Variants in FAM180A observed in about 807,000 individuals in gnomAD.
FAM180A encodes family with sequence similarity 180 member A.
In FAM180A, 14 loss-of-function variants were observed where a neutral mutation model predicts 15.3. The ratio of observed to expected loss-of-function variants is 0.92; its 90% CI spans 0.61 to 1.43. The LOEUF (loss-of-function observed/expected upper bound fraction) is 1.43, where lower values mean the gene tolerates loss of function less well. Among genes scored for constraint, FAM180A ranks in the 40% most tolerant of loss-of-function variants. The pLI is 0.00. For synonymous variants in FAM180A, 90 were observed against 96.8 expected (o/e 0.93, Z 0.41); for missense variants, 200 against 220.8 (o/e 0.91, Z 0.60).
In FAM180A at chr7:135,737,208, A is replaced by G; in HGVS notation, c.77-9T>C. ...GGCAGGGAAGAGCACAGCTGAAAGA[A>G]AGAAAACAGTGAGTTCCTGGCTGCT... is the stretch of plus-strand genomic sequence containing the variant. On this transcript the variant is annotated splice_polypyrimidine_tract_variant and intron_variant, in intron 1 of 3. Transcript: ENST00000338588. 1 of 1,582,428 alleles carries G rather than the reference A, an allele frequency of 6.3e-7. No individual in the cohort carries two copies. The highest frequency in any genetic ancestry group is 8.6e-7 in the Non-Finnish European group (1 of 1,166,356).
chr7:135,740,963 AC>A (rs34067389), intron 1 of FAM180A, among the ~76,000 whole-genome samples: 71,360 of 122,374 alleles, frequency 0.58, 17,508 homozygotes, highest in Admixed American at 0.68. Flanking sequence ...AAAAAACAAA[AC>A]AAAACAAAAC....
chr7:135,736,301 G>A (rs532316993), intron 2 of FAM180A, among the ~76,000 whole-genome samples: 43 of 152,330 alleles, frequency 2.8e-4, no homozygotes, highest in African/African-American at 6.7e-4. Context: ...GATTACAGGC[G>A]TAAGCCACCG....
intron 1 of FAM180A, among the ~76,000 whole-genome samples, chr7:135,748,195 G>C (rs1346635147): frequency 6.6e-6 from 1 of 152,190 alleles, no homozygotes; most frequent in Non-Finnish European, 1.5e-5. Flanking sequence ...TGCTGCAGGT[G>C]GTGGGGGCAG....
rs1292604335 is a variant in FAM180A, at chr7:135,733,946, G to A, written c.*29C>T. ...TTTCTGGATTACTGTGCTGGTCCCT[G>A]CTCTGAGGTCCTGGTGTGGGCCAGT... On this transcript the variant is annotated 3_prime_UTR_variant, in exon 3 of 4. Transcript: ENST00000338588. The A allele has an allele frequency of 1.3e-6, 2 of 1,554,292 alleles. No individual in the cohort carries two copies. Among genetic ancestry groups the A allele is most frequent in the African/African-American group, 2.7e-5 (2 of 73,342 alleles).
At chr7:135,748,467 T>C (rs1215881366) in intron 1 of FAM180A, 38 bp downstream of exon 1, 7 of 1,539,096 alleles carry the variant, frequency 4.5e-6, no homozygotes, top group African/African-American at 2.7e-5. Flanking sequence ...GAAAGTATAA[T>C]GAGCATCAAA....
At position 135,734,432 on chromosome 7, in the gene FAM180A, C is replaced by T; in HGVS notation, c.178-113G>A. 6.1e-6 allele frequency: 6 copies of T among 987,708 alleles called. No homozygotes were observed. In the South Asian group the frequency reaches 1.0e-4, roughly 17 times the overall value. The allele number at this position is 987,708 out of a possible 1,614,324, so 61.2% of individuals were successfully genotyped here. A position where few individuals can be genotyped will look rare whatever the true frequency, so the allele number is the denominator to read the frequency against. On this transcript the variant is annotated intron_variant, in intron 2 of 3. Transcript: ENST00000338588. ...GGCAGCTGCCAGAAGAGCTTTGGAA[C>T]TCAAGAGAGTTCCAGTTCTGACTTT...
chr7:135,737,456 G>A lies in FAM180A; in HGVS notation c.77-257C>T, dbSNP rs578025329. ...ACAAAAAACAGCCGGGCATGGTGGC[G>A]GGTGCCTGTAATTGCAGCTACATGG... On this transcript the variant is annotated intron_variant, in intron 1 of 3. Coordinates refer to ENST00000338588, the MANE Select transcript of FAM180A (RefSeq NM_205855.4). 1.3e-4 allele frequency among the ~76,000 whole-genome samples: 20 copies of A among 151,972 alleles called. No individual in the cohort carries two copies. The South Asian group carries it at 1.9e-3, about 14-fold the overall frequency.
At chr7:135,738,482 C>T (rs1203916556) in intron 1 of FAM180A, among the ~76,000 whole-genome samples, 1 of 152,290 alleles carries the variant, frequency 6.6e-6, no homozygotes, top group East Asian at 1.9e-4. Context: ...GCATGAGCTA[C>T]CGAGCCCAGC....
At chr7:135,745,969 T>C (rs749523276) in intron 1 of FAM180A, among the ~76,000 whole-genome samples, 1 of 151,700 alleles carries the variant, frequency 6.6e-6, no homozygotes, top group Non-Finnish European at 1.5e-5. Context: ...AAAAAAAAGA[T>C]GGCAAGAATT....
At chr7:135,736,810 C>T (rs1318266178) in intron 2 of FAM180A, among the ~76,000 whole-genome samples, 4 of 152,192 alleles carry the variant, frequency 2.6e-5, no homozygotes, top group African/African-American at 9.6e-5. Flanking sequence ...TACTCTGGTG[C>T]CTGGGTGCCA....
chr7:135,741,515 CAAA>C (rs35800497), intron 1 of FAM180A, among the ~76,000 whole-genome samples: 5 of 135,240 alleles, frequency 3.7e-5, no homozygotes, highest in Admixed American at 1.5e-4. Context: ...GACTCTGTCT[CAAA>C]AAAAAAAAAA....
At chr7:135,736,026 T>C (rs1033278852) in intron 2 of FAM180A, among the ~76,000 whole-genome samples, 12 of 151,072 alleles carry the variant, frequency 7.9e-5, no homozygotes, top group Non-Finnish European at 1.5e-4. Context: ...CTTTTCTTTT[T>C]TTTTTTTTCT....
intron 1 of FAM180A, among the ~76,000 whole-genome samples, chr7:135,743,182 C>T (rs1210252819): frequency 2.0e-5 from 3 of 147,768 alleles, no homozygotes; most frequent in Non-Finnish European, 4.6e-5. Context: ...TAGGATCACT[C>T]TCCTGCATCG....
Position 135,729,730 on chromosome 7 carries a change from A to G in FAM180A, c.*881T>C. On this transcript the variant is annotated 3_prime_UTR_variant, in exon 4 of 4. Transcript: ENST00000338588. ...TACCCATTTTTCAGAGGAAGGAAAC[A>G]CTTTTCCAGAATACAATGCTCAAGA... 2 of 985,420 alleles carry G rather than the reference A, an allele frequency of 2.0e-6. No homozygotes were observed. The highest frequency in any genetic ancestry group is 1.2e-6 in the Non-Finnish European group (1 of 829,912). The allele number at this position is 985,420 out of a possible 1,614,324, so 61.0% of individuals were successfully genotyped here. A position where few individuals can be genotyped will look rare whatever the true frequency, so the allele number is the denominator to read the frequency against.
In FAM180A at chr7:135,733,689, C is replaced by A; in HGVS notation, c.*286G>T. 4 of 1,217,460 alleles carry A rather than the reference C, an allele frequency of 3.3e-6. No individual in the cohort carries two copies. The highest frequency in any genetic ancestry group is 3.1e-6 in the Non-Finnish European group (3 of 976,506). The allele number at this position is 1,217,460 out of a possible 1,614,324, so 75.4% of individuals were successfully genotyped here. A position where few individuals can be genotyped will look rare whatever the true frequency, so the allele number is the denominator to read the frequency against. ...GTGTGGCCACTGCTCTGGGTTGAAGCATATCAGAATTCTGCCTGCCATAGG... is the reference window on the plus strand; with the variant it reads ...GTGTGGCCACTGCTCTGGGTTGAAGAATATCAGAATTCTGCCTGCCATAGG... On this transcript the variant is annotated 3_prime_UTR_variant, in exon 3 of 4. Coordinates refer to ENST00000338588, the MANE Select transcript of FAM180A (RefSeq NM_205855.4).
intron 3 of FAM180A, among the ~76,000 whole-genome samples, chr7:135,732,808 A>G (rs1479877216): frequency 2.0e-5 from 3 of 152,218 alleles, no homozygotes; most frequent in Non-Finnish European, 4.4e-5. Context: ...TAGTTTAAAA[A>G]GATATCGAGT....
intron 1 of FAM180A, among the ~76,000 whole-genome samples, chr7:135,741,069 C>T (rs1034305442): frequency 2.6e-5 from 4 of 152,286 alleles, no homozygotes; most frequent in African/African-American, 9.6e-5. Context: ...CAGCCGCTGC[C>T]TGCCTGGAAG....
intron 2 of FAM180A, among the ~76,000 whole-genome samples, 174 bp downstream of exon 2, chr7:135,736,925 G>A (rs533388947): frequency 4.7e-4 from 71 of 152,328 alleles, no homozygotes; most frequent in African/African-American, 1.6e-3. Flanking sequence ...GAGGCATGAG[G>A]AATACTTTAT....
chr7:135,737,543 C>T (rs1366346503), intron 1 of FAM180A, among the ~76,000 whole-genome samples: 5 of 141,836 alleles, frequency 3.5e-5, no homozygotes, highest in African/African-American at 1.1e-4. Context: ...GCCGAGACTG[C>T]GCCATTGCAC....
Sources: gnomAD v4.1 joint callset for allele counts (sites outside exome capture counted in the v4.1 genomes callset) on GRCh38, gnomAD v4.1.1 for gene constraint, MANE v1.5 for transcripts, NCBI Gene and HGNC (gene_info 2026-07-23, HGNC 2026-07-21) for gene names.